LRRC8B: variants seen among roughly 807,000 people sequenced by gnomAD.
The protein encoded by LRRC8B is leucine rich repeat containing 8 VRAC subunit B.
Under a neutral mutation model 58.8 loss-of-function variants are expected in LRRC8B, and 23 were observed. The observed-to-expected ratio is 0.39, with a 90% CI of 0.28 to 0.55. The LOEUF is 0.55. Ranked by LOEUF, LRRC8B falls within the 20% of genes least tolerant of loss-of-function variation. The probability of loss-of-function intolerance (pLI) is 0.62; values close to 1 mark genes in which losing one functional copy is unlikely to be tolerated. For synonymous variants in LRRC8B, 359 were observed against 374.1 expected, an observed-to-expected ratio of 0.96 and a Z score of 0.47; for missense variants, 694 against 936.0, an observed-to-expected ratio of 0.74 and a Z score of 3.37.
chr1:89,533,021 T>C (rs865879268), intron 1 of LRRC8B, among the ~76,000 whole-genome samples: 22 of 152,326 alleles, frequency 1.4e-4, no homozygotes, highest in Middle Eastern at 6.8e-3. Context: ...CTTCAGGTCC[T>C]TCTATCAGTG....
rs574910483 is a variant in LRRC8B at position 89,584,883 on chromosome 1, T to A, written c.2139+94T>A. 41 of 900,828 alleles carry A rather than the reference T, an allele frequency of 4.6e-5. No individual in the cohort carries two copies. In the South Asian group the frequency reaches 6.9e-4, roughly 15 times the overall value. The allele number at this position is 900,828 out of a possible 1,614,324, so 55.8% of individuals were successfully genotyped here. ...AACACACTTCAAATCATACTGTGTG[T>A]TCTCAAGCCAAGCCCAATCCGATCT... is the stretch of plus-strand genomic sequence containing the variant. On this transcript the variant is annotated intron_variant, in intron 5 of 5. Coordinates refer to ENST00000330947, the MANE Select transcript of LRRC8B (RefSeq NM_001369817.2).
At position 89,594,633 on chromosome 1, in the gene LRRC8B, G is replaced by A. The variant is rs1055680394; in HGVS notation, c.*1590G>A. On this transcript the variant is annotated 3_prime_UTR_variant, in exon 6 of 6. Coordinates refer to ENST00000330947, the MANE Select transcript of LRRC8B (RefSeq NM_001369817.2). ...CACAAAGAAATAGATCCATTTAACTGAAATTCATCTCATGCCTTTATCTAA... is the reference window on the plus strand; with the variant it reads ...CACAAAGAAATAGATCCATTTAACTAAAATTCATCTCATGCCTTTATCTAA... 6.6e-6 allele frequency: 1 copy of A among 152,110 alleles called. No homozygotes were observed. The highest frequency in any genetic ancestry group is 2.4e-5 in the African/African-American group (1 of 41,424). The allele number at this position is 152,110 out of a possible 1,614,324, so 9.4% of individuals were successfully genotyped here.
At position 89,584,260 on chromosome 1, in the gene LRRC8B, T is replaced by TA; in HGVS notation, c.1616dup (p.Asn539LysfsTer31). 1 of 1,613,436 alleles carries TA rather than the reference T, an allele frequency of 6.2e-7. No homozygotes were observed. Among genetic ancestry groups the TA allele is most frequent in the Non-Finnish European group, 8.5e-7 (1 of 1,180,018 alleles). The stretch of plus-strand genomic sequence containing the variant: ...ATGCAGTTGGAGGGCTTTCAGGACT[T>TA]AAAAAATCTAAGGACCCTGTACTTG... On this transcript the variant is annotated frameshift_variant, in exon 5 of 6. Coordinates refer to ENST00000330947, the MANE Select transcript of LRRC8B (RefSeq NM_001369817.2). LOFTEE classifies it high-confidence loss of function.
intron 1 of LRRC8B, among the ~76,000 whole-genome samples, chr1:89,562,271 T>G (rs1400512488): frequency 2.0e-5 from 3 of 152,060 alleles, no homozygotes; most frequent in Non-Finnish European, 2.9e-5. Flanking sequence ...CCGTCCTTGA[T>G]GCCTTCTGGT....
At chr1:89,537,080 T>C (rs1650591104) in intron 1 of LRRC8B, among the ~76,000 whole-genome samples, 1 of 152,194 alleles carries the variant, frequency 6.6e-6, no homozygotes, top group Admixed American at 6.5e-5. Flanking sequence ...CACAACTAAT[T>C]AGTGACTGAA....
At chr1:89,586,111 A>G (rs557404772) in intron 5 of LRRC8B, among the ~76,000 whole-genome samples, 1 of 152,304 alleles carries the variant, frequency 6.6e-6, no homozygotes, top group African/African-American at 2.4e-5. Context: ...CTACATTAGG[A>G]TTGACCTAGA....
intron 1 of LRRC8B, among the ~76,000 whole-genome samples, chr1:89,553,229 G>T (rs1651946626): frequency 6.6e-6 from 1 of 152,176 alleles, no homozygotes; most frequent in Non-Finnish European, 1.5e-5. Context: ...TTACCTTGTG[G>T]TGAAATCATC....
chr1:89,528,237 A>G (rs188072698), intron 1 of LRRC8B, among the ~76,000 whole-genome samples: 108 of 152,290 alleles, frequency 7.1e-4, no homozygotes, highest in Non-Finnish European at 5.7e-4. Context: ...TGCCAGCTGC[A>G]CAGCTTCTAT....
At chr1:89,541,792 C>T (rs567130607) in intron 1 of LRRC8B, among the ~76,000 whole-genome samples, 1 of 137,802 alleles carries the variant, frequency 7.3e-6, no homozygotes, top group African/African-American at 2.8e-5. Flanking sequence ...AAAGTTAAGG[C>T]AGATGGTAGG....
chr1:89,549,123 A>T (rs926911638), intron 1 of LRRC8B, among the ~76,000 whole-genome samples: 1 of 152,218 alleles, frequency 6.6e-6, no homozygotes, highest in Non-Finnish European at 1.5e-5. Context: ...ACCAGAGCTT[A>T]CTGCTTACTG....
chr1:89,582,508 G>A (rs965510970), intron 4 of LRRC8B, 117 bp from the exon 5 acceptor site: 1 of 646,490 alleles, frequency 1.5e-6, no homozygotes, highest in African/African-American at 1.8e-5. Context: ...TTCCTTTTAG[G>A]TTTTACCCCA....
At chr1:89,531,894 A>G (rs1650161829) in intron 1 of LRRC8B, among the ~76,000 whole-genome samples, 1 of 151,924 alleles carries the variant, frequency 6.6e-6, no homozygotes, top group African/African-American at 2.4e-5. Flanking sequence ...ATCCCAAGAG[A>G]GTTTATGTTG....
In LRRC8B at chr1:89,561,160, T is replaced by G. The variant is rs1457406435; in HGVS notation, c.-240-7087T>G. On this transcript the variant is annotated intron_variant, in intron 1 of 5. Coordinates refer to ENST00000330947, the MANE Select transcript of LRRC8B (RefSeq NM_001369817.2). ...CAGTGATGATGAGCATTTTTTCATGTGTTTTTTGGCTGCATAAAGGTCTTC... is the reference window on the plus strand; with the variant it reads ...CAGTGATGATGAGCATTTTTTCATGGGTTTTTTGGCTGCATAAAGGTCTTC... Among the ~76,000 whole-genome samples, 3 of 152,108 alleles carry G rather than the reference T, an allele frequency of 2.0e-5. No individual in the cohort carries two copies. In the East Asian group the frequency reaches 5.8e-4, roughly 29 times the overall value.
At chr1:89,540,328 CCTT>C (rs1311418850) in intron 1 of LRRC8B, among the ~76,000 whole-genome samples, 1 of 152,160 alleles carries the variant, frequency 6.6e-6, no homozygotes, top group African/African-American at 2.4e-5. Flanking sequence ...GCCTGAAACT[CCTT>C]CTACCTCTAA....
At chr1:89,527,282 G>A (rs1016390305) in intron 1 of LRRC8B, among the ~76,000 whole-genome samples, 4 of 151,990 alleles carry the variant, frequency 2.6e-5, no homozygotes, top group Non-Finnish European at 4.4e-5. Flanking sequence ...ACCCAATCCC[G>A]GATTTTCATT....
rs1407376540 is a variant in LRRC8B at position 89,568,331 on chromosome 1, A to T, written c.-180+24A>T. ...AAGTAAGTTATCTTTTGTATGTTTCATAAAATTATTACATATGTTGGAAAT... is the reference window on the plus strand; with the variant it reads ...AAGTAAGTTATCTTTTGTATGTTTCTTAAAATTATTACATATGTTGGAAAT... On this transcript the variant is annotated intron_variant, in intron 2 of 5. Transcript: ENST00000330947. The T allele has an allele frequency of 2.6e-5, 4 of 152,224 alleles. No individual in the cohort carries two copies. The East Asian group carries it at 5.8e-4, about 22-fold the overall frequency. The allele number at this position is 152,224 out of a possible 1,614,324, so 9.4% of individuals were successfully genotyped here. A position where few individuals can be genotyped will look rare whatever the true frequency, so the allele number is the denominator to read the frequency against.
At chr1:89,587,654 ATTTTAAAAGT>A (rs1200261783) in intron 5 of LRRC8B, among the ~76,000 whole-genome samples, 1 of 152,208 alleles carries the variant, frequency 6.6e-6, no homozygotes, top group African/African-American at 2.4e-5. Flanking sequence ...TATAAGAGGC[ATTTTAAAAGT>A]CTGATCTCAA....
intron 1 of LRRC8B, among the ~76,000 whole-genome samples, chr1:89,540,198 A>C (rs540332158): frequency 6.6e-6 from 1 of 152,208 alleles, no homozygotes; most frequent in Admixed American, 6.5e-5. Context: ...TTTTATGTTT[A>C]GGGACCTGTA....
intron 1 of LRRC8B, among the ~76,000 whole-genome samples, chr1:89,541,710 C>CAAAAAAAAAAAAAAAAAA (rs61714771): frequency 2.4e-5 from 1 of 42,230 alleles, no homozygotes; most frequent in African/African-American, 1.1e-4. Flanking sequence ...GACTCCGTCT[C>CAAAAAAAAAAAAAAAAAA]AAAAAAAAAA....
Sources: allele counts gnomAD v4.1 joint callset (sites outside exome capture counted in the v4.1 genomes callset), GRCh38; gene constraint gnomAD v4.1.1; transcripts MANE v1.5; gene names NCBI Gene and HGNC (gene_info 2026-07-23, HGNC 2026-07-21).